Variants in INTS13 observed in about 807,000 individuals in gnomAD.
INTS13 encodes the protein asunder, spermatogenesis regulator homolog (Drosphila).
INTS13 carries 35 observed loss-of-function variants against 90.2 expected under a neutral mutation model. That is an observed-to-expected ratio of 0.39 (90% CI 0.30 to 0.51). The LOEUF is 0.51. INTS13 is among the 20% of genes least tolerant of loss of function. The pLI is 0.80. For missense variants in INTS13, 601 were observed against 851.2 expected, an observed-to-expected ratio of 0.71 and a Z score of 3.66; for synonymous variants, 309 against 277.1, an observed-to-expected ratio of 1.11 and a Z score of -1.14.
chr12:26,933,141 T>C (rs1173814137), intron 3 of INTS13, among the ~76,000 whole-genome samples: 1 of 152,042 alleles, frequency 6.6e-6, no homozygotes, highest in Non-Finnish European at 1.5e-5. Flanking sequence ...TACAATCAAA[T>C]AGAGAGTTCT....
intron 7 of INTS13, among the ~76,000 whole-genome samples, chr12:26,922,994 A>T (rs1327682208): frequency 6.6e-6 from 1 of 152,122 alleles, no homozygotes; most frequent in African/African-American, 2.4e-5. Context: ...CTCCAAATGC[A>T]GTCTTGCCAA....
intron 3 of INTS13, 111 bp from the exon 4 acceptor site, chr12:26,929,016 ATTCTT>A: frequency 1.0e-6 from 1 of 959,954 alleles, no homozygotes; most frequent in Admixed American, 2.8e-5. Flanking sequence ...GGACATGAAC[ATTCTT>A]AAAAAAATAG....
intron 15 of INTS13, among the ~76,000 whole-genome samples, chr12:26,910,625 C>T (rs1360990725): frequency 2.0e-5 from 3 of 152,132 alleles, no homozygotes; most frequent in African/African-American, 7.2e-5. Flanking sequence ...CCTGAGGCCT[C>T]CCAGCCATGC....
At chr12:26,931,380 G>A (rs1436515490) in intron 3 of INTS13, among the ~76,000 whole-genome samples, 1 of 152,044 alleles carries the variant, frequency 6.6e-6, no homozygotes, top group Admixed American at 6.5e-5. Flanking sequence ...GGAGGCAGAG[G>A]TTGCAGTGAG....
chr12:26,925,154 C>A (rs910468511), intron 6 of INTS13, among the ~76,000 whole-genome samples: 10 of 151,886 alleles, frequency 6.6e-5, no homozygotes, highest in Non-Finnish European at 1.0e-4. Context: ...CTAAAAATAC[C>A]ACTTAACTAC....
chr12:26,934,499 A>T (rs1592235058), intron 3 of INTS13, 57 bp downstream of exon 3: 1 of 1,247,352 alleles, frequency 8.0e-7, no homozygotes, highest in East Asian at 2.3e-5. Context: ...TTTTTTTAAA[A>T]AGTATTACCA....
At chr12:26,930,662 C>T (rs11048776) in intron 3 of INTS13, among the ~76,000 whole-genome samples, 15,493 of 152,206 alleles carry the variant, frequency 0.1, 1,060 homozygotes, top group East Asian at 0.16. Context: ...GTACCTTCAC[C>T]TTGGGAAAGC....
rs1951876402 is a variant in INTS13, at chr12:26,914,529, G to C, written c.1298C>G (p.Pro433Arg). ...RENRLTPFLD[P>R]RYKIDGSLEV... is the part of the protein sequence containing the mutation. ...AAGACTTCCATCGATTTTATATCTG[G>C]GGTCTAGAAAAGGAGTTAATCTGTT... The change falls in exon 12 of 17, where the codon CCC (proline) becomes CGC (arginine). Residue 433 changes from proline (P) to arginine (R), a missense_variant. Around this residue, in one of 3 missense-constraint regions of INTS13, gnomAD observed 89 missense variants for 191.0 expected, o/e 0.47. Transcript: ENST00000261191. The C allele has an allele frequency of 6.2e-7, 1 of 1,613,530 alleles. No homozygotes were observed.
chr12:26,919,122 A>G (rs896481129), intron 8 of INTS13: 8 of 218,884 alleles, frequency 3.7e-5, no homozygotes, highest in Non-Finnish European at 8.2e-5. Flanking sequence ...AGCTATGATC[A>G]CACTACTGTA....
intron 10 of INTS13, 61 bp downstream of exon 10, chr12:26,917,291 T>A (rs1951966269): frequency 2.0e-6 from 1 of 493,436 alleles, no homozygotes; most frequent in Non-Finnish European, 3.2e-6. Flanking sequence ...AATAATTTAA[T>A]AATAAATAAT....
At chr12:26,908,159 A>G (rs566774029) in intron 15 of INTS13, among the ~76,000 whole-genome samples, 28 of 152,332 alleles carry the variant, frequency 1.8e-4, no homozygotes, top group South Asian at 8.3e-4. Flanking sequence ...AAGAGAAAAC[A>G]TATCAGTAGT....
At chr12:26,906,013 TAC>T (rs1471693806) in intron 16 of INTS13, among the ~76,000 whole-genome samples, 15 of 152,330 alleles carry the variant, frequency 9.8e-5, no homozygotes, top group African/African-American at 3.4e-4. Context: ...TCTGTTATTT[TAC>T]AGAGACTGGC....
chr12:26,926,345 G>A lies in INTS13; in HGVS notation c.585-494C>T, dbSNP rs141244493. ...AGAAAAGTACTATTCAATGAACAAC[G>A]TATGTCCTTCACCTAGAGTCACTGT... On this transcript the variant is annotated intron_variant, in intron 5 of 16. Transcript: ENST00000261191. Among the ~76,000 whole-genome samples the A allele has an allele frequency of 8.4e-3, 1,285 of 152,202 alleles. 16 individuals are homozygous for A. Among genetic ancestry groups the A allele is most frequent in the African/African-American group, 0.029 (1,215 of 41,530 alleles).
At chr12:26,933,095 T>TA (rs1938284283) in intron 3 of INTS13, among the ~76,000 whole-genome samples, 1 of 151,940 alleles carries the variant, frequency 6.6e-6, no homozygotes, top group South Asian at 2.1e-4. Flanking sequence ...ACAGACATAG[T>TA]TAAGAGTATA....
intron 8 of INTS13, among the ~76,000 whole-genome samples, chr12:26,920,134 A>AC (rs1352446729): frequency 7.9e-5 from 12 of 151,144 alleles, no homozygotes; most frequent in Admixed American, 7.9e-4. Flanking sequence ...TCTCAAAAAA[A>AC]AAAAAAGATC....
intron 8 of INTS13, among the ~76,000 whole-genome samples, chr12:26,918,245 A>G (rs1952001085): frequency 6.6e-6 from 1 of 152,182 alleles, no homozygotes; most frequent in Admixed American, 6.5e-5. Flanking sequence ...AACTACTCTA[A>G]AATTAAAAGT....
At chr12:26,911,015 A>G (rs1053142502) in intron 15 of INTS13, among the ~76,000 whole-genome samples, 163 bp downstream of exon 15, 1 of 151,934 alleles carries the variant, frequency 6.6e-6, no homozygotes, top group South Asian at 2.1e-4. Flanking sequence ...TTGTATTTTT[A>G]TTAGAGGTGG....
chr12:26,925,865 T>G lies in INTS13; in HGVS notation c.585-14A>C. ...ATCTGCATGAGACTTAAAGAGAAATTTTTGACTTAAAATTTAAGAATACAT... is the reference window on the plus strand; with the variant it reads ...ATCTGCATGAGACTTAAAGAGAAATGTTTGACTTAAAATTTAAGAATACAT... On this transcript the variant is annotated splice_polypyrimidine_tract_variant and intron_variant, in intron 5 of 16. Coordinates refer to ENST00000261191, the MANE Select transcript of INTS13 (RefSeq NM_018164.3). 1.3e-6 allele frequency: 2 copies of G among 1,595,400 alleles called. No individual in the cohort carries two copies. The highest frequency in any genetic ancestry group is 1.7e-6 in the Non-Finnish European group (2 of 1,164,768).
intron 3 of INTS13, among the ~76,000 whole-genome samples, chr12:26,933,518 T>C (rs1336443385): frequency 6.6e-6 from 1 of 152,178 alleles, no homozygotes; most frequent in Non-Finnish European, 1.5e-5. Flanking sequence ...GAAAAAGTTA[T>C]TTCCAACACG....
Sources: gnomAD v4.1 joint callset for allele counts (sites outside exome capture counted in the v4.1 genomes callset) on GRCh38, gnomAD v4.1.1 for gene constraint, gnomAD v4.1.1 regional missense constraint, MANE v1.5 for transcripts, NCBI Gene and HGNC (gene_info 2026-07-23, HGNC 2026-07-21) for gene names.